RGS5: variants seen among roughly 807,000 people sequenced by gnomAD.
RGS5 encodes regulator of G protein signaling 5, also known as regulator of G-protein signalling 5.
A neutral mutation model predicts 18.9 loss-of-function variants in RGS5; 20 were observed. The ratio of observed to expected loss-of-function variants is 1.06; its 90% CI spans 0.74 to 1.54. The LOEUF (loss-of-function observed/expected upper bound fraction) is 1.54, where lower values mean the gene tolerates loss of function less well. Among genes scored for constraint, RGS5 ranks in the 40% most tolerant of loss-of-function variants. The pLI is 0.00. For missense variants in RGS5, 201 were observed against 211.8 expected, an observed-to-expected ratio of 0.95 and a Z score of 0.32; for synonymous variants, 57 against 76.2, an observed-to-expected ratio of 0.75 and a Z score of 1.31.
intron 2 of RGS5, among the ~76,000 whole-genome samples, chr1:163,252,302 GA>G (rs35628762): frequency 0.41 from 62,811 of 151,960 alleles, 13,219 homozygotes; most frequent in Non-Finnish European, 0.44. Flanking sequence ...GTTGAATTTT[GA>G]AGAGTTCTTT....
intron 2 of RGS5, among the ~76,000 whole-genome samples, chr1:163,248,039 A>C (rs116447920): frequency 6.6e-6 from 1 of 152,196 alleles, no homozygotes; most frequent in Non-Finnish European, 1.5e-5. Context: ...ATAAATATGT[A>C]GTTAGAACAG....
At chr1:163,168,423 A>C in intron 1 of RGS5, 55 bp from the exon 2 acceptor site, 1 of 1,261,956 alleles carries the variant, frequency 7.9e-7, no homozygotes, top group African/African-American at 1.5e-5. Context: ...TACAGATTTT[A>C]AGAAGAGATT....
intron 2 of RGS5, among the ~76,000 whole-genome samples, chr1:163,261,439 C>T (rs992444872): frequency 1.3e-5 from 2 of 152,168 alleles, no homozygotes; most frequent in African/African-American, 2.4e-5. Flanking sequence ...AAAACTAGGT[C>T]CATCCTCTGC....
At chr1:163,162,185 A>G (rs1230302204) in intron 2 of RGS5, among the ~76,000 whole-genome samples, 1 of 152,172 alleles carries the variant, frequency 6.6e-6, no homozygotes, top group African/African-American at 2.4e-5. Context: ...GCATATCTTC[A>G]TCTTTTTTGA....
At chr1:163,219,662 C>G (rs1331662523), upstream of RGS5, among the ~76,000 whole-genome samples, 1 of 152,000 alleles carries the variant, frequency 6.6e-6, no homozygotes, top group Non-Finnish European at 1.5e-5. Flanking sequence ...GTTTTAATTT[C>G]CAATATAATA....
chr1:163,301,619 C>T (rs1649553678), intron 2 of RGS5, among the ~76,000 whole-genome samples: 1 of 152,128 alleles, frequency 6.6e-6, no homozygotes, highest in Admixed American at 6.5e-5. Context: ...AGGCGTGAGA[C>T]ACCACGCCAG....
At chr1:163,301,580 G>T (rs1054150501) in intron 2 of RGS5, among the ~76,000 whole-genome samples, 1 of 152,042 alleles carries the variant, frequency 6.6e-6, no homozygotes, top group Non-Finnish European at 1.5e-5. Flanking sequence ...CGATCCTCCC[G>T]CCTTGGCCTC....
At chr1:163,163,207 T>C (rs542016213) in intron 2 of RGS5, among the ~76,000 whole-genome samples, 1 of 152,272 alleles carries the variant, frequency 6.6e-6, no homozygotes, top group South Asian at 2.1e-4. Context: ...AATAATCCCT[T>C]TACTTCTCTA....
chr1:163,179,085 C>T (rs558865495), intron 1 of RGS5, among the ~76,000 whole-genome samples: 4 of 152,232 alleles, frequency 2.6e-5, no homozygotes, highest in African/African-American at 9.6e-5. Flanking sequence ...ATACGATACA[C>T]GTTAAAAAGA....
chr1:163,241,662 A>C (rs1647796153), intron 2 of RGS5, among the ~76,000 whole-genome samples: 2 of 152,204 alleles, frequency 1.3e-5, no homozygotes, highest in Admixed American at 6.5e-5. Context: ...CATTCTTTAA[A>C]TTAAAATGAC....
At chr1:163,183,042 C>G (rs1240691403) in intron 1 of RGS5, among the ~76,000 whole-genome samples, 2 of 152,080 alleles carry the variant, frequency 1.3e-5, no homozygotes, top group Non-Finnish European at 2.9e-5. Flanking sequence ...AACTACAGTT[C>G]CCAGAACTTT....
At chr1:163,257,250 T>G (rs1024115548) in intron 2 of RGS5, among the ~76,000 whole-genome samples, 1 of 152,074 alleles carries the variant, frequency 6.6e-6, no homozygotes, top group Non-Finnish European at 1.5e-5. Flanking sequence ...CTTATTTCTA[T>G]CTGGGCAAGT....
At chr1:163,255,935 A>C (rs968562479) in intron 2 of RGS5, among the ~76,000 whole-genome samples, 11 of 152,254 alleles carry the variant, frequency 7.2e-5, no homozygotes, top group African/African-American at 1.9e-4. Context: ...AACTCTCAAT[A>C]AATTAGGTAT....
chr1:163,200,677 G>A (rs569385972), intron 1 of RGS5, among the ~76,000 whole-genome samples: 3 of 152,140 alleles, frequency 2.0e-5, no homozygotes, highest in South Asian at 2.1e-4. Context: ...CCCTATTTAC[G>A]ATGAGAACAG....
intron 1 of RGS5, among the ~76,000 whole-genome samples, chr1:163,182,445 C>G (rs910674564): frequency 1.3e-5 from 2 of 152,092 alleles, no homozygotes; most frequent in African/African-American, 4.8e-5. Context: ...AAGTACTGGC[C>G]ACTCCCTACT....
In RGS5 at chr1:163,145,813, C is replaced by G. The variant is rs1307910813; in HGVS notation, c.*1529G>C. ...CTTAGGAAATAACCAAATAAATGAG[C>G]TACAAATATGAGAAACTGAGAGTGT... On this transcript the variant is annotated 3_prime_UTR_variant, in exon 5 of 5. Coordinates refer to ENST00000313961, the MANE Select transcript of RGS5 (RefSeq NM_003617.4). The G allele has an allele frequency of 6.6e-6, 1 of 152,010 alleles. No individual in the cohort carries two copies. The highest frequency in any genetic ancestry group is 1.5e-5 in the Non-Finnish European group (1 of 68,004). The allele number at this position is 152,010 out of a possible 1,614,324, so 9.4% of individuals were successfully genotyped here. A position where few individuals can be genotyped will look rare whatever the true frequency, so the allele number is the denominator to read the frequency against.
At chr1:163,218,883 T>C (rs563962706), upstream of RGS5, among the ~76,000 whole-genome samples, 1 of 152,260 alleles carries the variant, frequency 6.6e-6, no homozygotes, top group East Asian at 1.9e-4. Context: ...AAGATATAAC[T>C]TGGAAACAGC....
intron 4 of RGS5, among the ~76,000 whole-genome samples, chr1:163,152,102 G>A (rs539904328): frequency 6.6e-6 from 1 of 152,100 alleles, no homozygotes; most frequent in African/African-American, 2.4e-5. Context: ...GTGGCATCAT[G>A]GTGCTGAAAA....
At chr1:163,294,472 C>T (rs1423160901) in intron 2 of RGS5, among the ~76,000 whole-genome samples, 2 of 152,210 alleles carry the variant, frequency 1.3e-5, no homozygotes, top group East Asian at 1.9e-4. Flanking sequence ...GGCACCAAGT[C>T]CTGAGACTGC....
Sources: allele counts gnomAD v4.1 joint callset (sites outside exome capture counted in the v4.1 genomes callset), GRCh38; gene constraint gnomAD v4.1.1; transcripts MANE v1.5; gene names NCBI Gene and HGNC (gene_info 2026-07-23, HGNC 2026-07-21).